MPHOSPH8: variants seen among roughly 807,000 people sequenced by gnomAD.
MPHOSPH8 encodes M-phase phosphoprotein 8.
A neutral mutation model predicts 87.3 loss-of-function variants in MPHOSPH8; 45 were observed. That is an observed-to-expected ratio of 0.52 (90% confidence interval 0.41 to 0.66). The LOEUF is 0.66. MPHOSPH8 is among the 30% of genes least tolerant of loss of function. The probability of loss-of-function intolerance (pLI) is 0.00; values close to 1 mark genes in which losing one functional copy is unlikely to be tolerated. For synonymous variants in MPHOSPH8, 366 were observed against 376.9 expected, an observed-to-expected ratio of 0.97 and a Z score of 0.33; for missense variants, 883 against 1,020.2, an observed-to-expected ratio of 0.87 and a Z score of 1.83.
chr13:19,653,354 CAGAA>C (rs896625000), intron 5 of MPHOSPH8, among the ~76,000 whole-genome samples: 2 of 152,186 alleles, frequency 1.3e-5, no homozygotes, highest in African/African-American at 4.8e-5. Flanking sequence ...AACTAACAAA[CAGAA>C]AGGAATAGCA....
intron 1 of MPHOSPH8, 59 bp from the exon 2 acceptor site, chr13:19,642,056 T>TTTTG: frequency 8.7e-7 from 1 of 1,155,720 alleles, no homozygotes; most frequent in Non-Finnish European, 1.1e-6. Flanking sequence ...TTTTTTTTTT[T>TTTTG]GGAAATTTAA....
At position 19,673,077 on chromosome 13, in the gene MPHOSPH8, G is replaced by A. The variant is rs774295540; in HGVS notation, c.*1202G>A. ...CTCAAAAAAAAAAAAAAGTTTCTTG[G>A]AACCTATACGGTTTTTTTTTGTTTT... On this transcript the variant is annotated 3_prime_UTR_variant, in exon 14 of 14. Coordinates refer to ENST00000361479, the MANE Select transcript of MPHOSPH8 (RefSeq NM_017520.4). 1.2e-5 allele frequency: 5 copies of A among 426,668 alleles called. No homozygotes were observed. The highest frequency in any genetic ancestry group is 8.2e-5 in the South Asian group (5 of 60,932). 26.4% of individuals were successfully genotyped at this position (426,668 alleles called of 1,614,324 possible).
intron 9 of MPHOSPH8, among the ~76,000 whole-genome samples, chr13:19,664,658 G>A (rs1414070944): frequency 6.6e-6 from 1 of 152,136 alleles, no homozygotes; most frequent in South Asian, 2.1e-4. Context: ...GGGATGGAGT[G>A]GGTGAGGTGC....
Position 19,646,773 on chromosome 13 carries a change from G to A in MPHOSPH8, c.700G>A (p.Glu234Lys), listed in dbSNP as rs750170951. ...TKELKKVKKG[E>K]IRDLKTKTRE... Reference sequence around the variant, plus strand: ...AGAATTAAAGAAAGTTAAAAAGGGTGAAATAAGAGATTTAAAGACGAAAAC... The same window carrying A: ...AGAATTAAAGAAAGTTAAAAAGGGTAAAATAAGAGATTTAAAGACGAAAAC... The change falls in exon 3 of 14, where the codon GAA (glutamate) becomes AAA (lysine). Residue 234 changes from glutamate to lysine, a missense_variant. By Grantham distance (56) the Glu-to-Lys change is moderately conservative. Around this residue, in one of 3 missense-constraint regions of MPHOSPH8, gnomAD observed 741 missense variants for 841.5 expected, o/e 0.88. Transcript: ENST00000361479. 5 of 1,578,430 alleles carry A rather than the reference G, an allele frequency of 3.2e-6. No individual in the cohort carries two copies. The South Asian group carries it at 5.9e-5, about 19-fold the overall frequency.
At chr13:19,652,783 G>T (rs139217130) in intron 5 of MPHOSPH8, among the ~76,000 whole-genome samples, 1 of 152,076 alleles carries the variant, frequency 6.6e-6, no homozygotes, top group Non-Finnish European at 1.5e-5. Context: ...CGAGTAGGTC[G>T]TTTTACCCTC....
intron 11 of MPHOSPH8, among the ~76,000 whole-genome samples, chr13:19,669,741 C>T (rs916617601): frequency 1.3e-5 from 2 of 150,262 alleles, no homozygotes; most frequent in African/African-American, 2.5e-5. Flanking sequence ...AACTCCTGGC[C>T]TCAAGTGATC....
At chr13:19,645,552 T>C (rs894415916) in intron 2 of MPHOSPH8, among the ~76,000 whole-genome samples, 3 of 152,064 alleles carry the variant, frequency 2.0e-5, no homozygotes, top group Non-Finnish European at 4.4e-5. Flanking sequence ...GGTCAGGGGT[T>C]CGAGACCAGC....
chr13:19,650,345 A>C, intron 5 of MPHOSPH8, 85 bp downstream of exon 5: 3 of 1,419,208 alleles, frequency 2.1e-6, no homozygotes, highest in Non-Finnish European at 2.9e-6. Flanking sequence ...TCTGATCTCA[A>C]CGATCAAAAA....
At chr13:19,643,961 C>G (rs1261442611) in intron 2 of MPHOSPH8, among the ~76,000 whole-genome samples, 1 of 152,180 alleles carries the variant, frequency 6.6e-6, no homozygotes, top group East Asian at 1.9e-4. Context: ...CTAAATCTTA[C>G]AATACAGAGA....
intron 13 of MPHOSPH8, among the ~76,000 whole-genome samples, 172 bp from the exon 14 acceptor site, chr13:19,671,662 C>T (rs1241727749): frequency 1.3e-5 from 2 of 152,140 alleles, no homozygotes; most frequent in African/African-American, 4.8e-5. Flanking sequence ...ATTATAAGCA[C>T]TTGGAATTAT....
intron 4 of MPHOSPH8, 113 bp downstream of exon 4, chr13:19,648,634 C>T (rs1874693642): frequency 1.1e-5 from 4 of 375,964 alleles, no homozygotes; most frequent in Non-Finnish European, 1.8e-5. Flanking sequence ...TTATTTTCAC[C>T]TTGTTTTTCC....
chr13:19,654,815 G>A (rs1875060129), intron 5 of MPHOSPH8, among the ~76,000 whole-genome samples: 1 of 152,242 alleles, frequency 6.6e-6, no homozygotes, highest in African/African-American at 2.4e-5. Flanking sequence ...GGATGTGGTG[G>A]CACATGCCTG....
Position 19,670,355 on chromosome 13 carries a change from G to A in MPHOSPH8, c.2449G>A (p.Val817Ile). 1 of 1,613,818 alleles carries A rather than the reference G, an allele frequency of 6.2e-7. No individual in the cohort carries two copies. Among genetic ancestry groups the A allele is most frequent in the Non-Finnish European group, 8.5e-7 (1 of 1,179,848 alleles). The change falls in exon 12 of 14, where the codon GTT becomes ATT. Residue 817 changes from valine (V) to isoleucine (I), a missense_variant. Physicochemically the swap from Val to Ile is conservative, Grantham distance 29 (BLOSUM62 3). Around this residue, in one of 3 missense-constraint regions of MPHOSPH8, gnomAD observed 741 missense variants for 841.5 expected, o/e 0.88. Transcript: ENST00000361479. The stretch of plus-strand genomic sequence containing the variant: ...TCTGAATGATAAATTTCAGCTTCCT[G>A]TTTTTCTGGTAAGATACTCTGTATT... ...VVLNDKFQLP[V>I]FLDSHFVYSF...
At position 19,648,445 on chromosome 13, in the gene MPHOSPH8, A is replaced by C; in HGVS notation, c.1242A>C (p.Glu414Asp). Residue 414 changes from glutamate to aspartate, a missense_variant, in exon 4 of 14, where the codon GAA becomes GAC. Around this residue, in one of 3 missense-constraint regions of MPHOSPH8, gnomAD observed 741 missense variants for 841.5 expected, o/e 0.88. Coordinates refer to ENST00000361479, the MANE Select transcript of MPHOSPH8 (RefSeq NM_017520.4). ...AEEDKETKRN[E>D]SKEKYQKRHD... is the part of the protein sequence containing the mutation. ...AGGACAAAGAAACCAAAAGAAATGAATCCAAAGAAAAATATCAGAAAAGGC... is the reference window on the plus strand; with the variant it reads ...AGGACAAAGAAACCAAAAGAAATGACTCCAAAGAAAAATATCAGAAAAGGC... 6.3e-7 allele frequency: 1 copy of C among 1,595,258 alleles called. No individual in the cohort carries two copies. Among genetic ancestry groups the C allele is most frequent in the Non-Finnish European group, 8.5e-7 (1 of 1,171,512 alleles).
chr13:19,650,181 AACGGAT>A lies in MPHOSPH8; in HGVS notation c.1500_1505del (p.Asp501_Thr502del). ...AAGAAAGGAGAAACACCAGAGACGAAACGGATACTTGGGCATACATTGCTGCAGAAG... is the reference window on the plus strand; with the variant it reads ...AAGAAAGGAGAAACACCAGAGACGAAACTTGGGCATACATTGCTGCAGAAG... On this transcript the variant is annotated inframe_deletion, in exon 5 of 14. Coordinates refer to ENST00000361479, the MANE Select transcript of MPHOSPH8 (RefSeq NM_017520.4). 1 of 1,614,178 alleles carries A rather than the reference AACGGAT, an allele frequency of 6.2e-7. No individual in the cohort carries two copies. Among genetic ancestry groups the A allele is most frequent in the Middle Eastern group, 1.6e-4 (1 of 6,062 alleles).
chr13:19,673,302 A>G lies in MPHOSPH8; in HGVS notation c.*1427A>G. On this transcript the variant is annotated 3_prime_UTR_variant, in exon 14 of 14. Transcript: ENST00000361479. ...GTTGAAAATTGTTTTGTTCCTCATT[A>G]GTTTATAATTGTATGAAATACGATT... The G allele has an allele frequency of 3.0e-6, 1 of 336,750 alleles. No individual in the cohort carries two copies. The highest frequency in any genetic ancestry group is 2.4e-5 in the South Asian group (1 of 40,824). 20.9% of individuals were successfully genotyped at this position (336,750 alleles called of 1,614,324 possible).
rs1396799744 is a variant in MPHOSPH8, at chr13:19,647,029, G to A, written c.956G>A (p.Ser319Asn). 6 of 1,606,480 alleles carry A rather than the reference G, an allele frequency of 3.7e-6. No individual in the cohort carries two copies. The highest frequency in any genetic ancestry group is 1.4e-5 in the African/African-American group (1 of 73,820). The change falls in exon 3 of 14, where the codon AGT (serine) becomes AAT (asparagine). Residue 319 changes from serine to asparagine, a missense_variant. Transcript: ENST00000361479. The stretch of plus-strand genomic sequence containing the variant: ...GAGAAGCCCCTAGACAGTGCCATGA[G>A]TGCTGAGGAGGATACCGATGTCAGA... Reference protein sequence around the residue: ...GFEKPLDSAMSAEEDTDVRGR... With the variant: ...GFEKPLDSAMNAEEDTDVRGR...
At chr13:19,664,449 G>A (rs1036520839) in intron 9 of MPHOSPH8, among the ~76,000 whole-genome samples, 1 of 152,172 alleles carries the variant, frequency 6.6e-6, no homozygotes, top group Non-Finnish European at 1.5e-5. Context: ...TAGGGAGTTC[G>A]TCCTGAGGGC....
At chr13:19,662,175 G>A (rs1321375513) in intron 8 of MPHOSPH8, among the ~76,000 whole-genome samples, 2 of 152,118 alleles carry the variant, frequency 1.3e-5, no homozygotes, top group Non-Finnish European at 2.9e-5. Flanking sequence ...TCCTGACCTC[G>A]TGATCTGCCT....
Sources: gnomAD v4.1 joint callset for allele counts (sites outside exome capture counted in the v4.1 genomes callset) on GRCh38, gnomAD v4.1.1 for gene constraint, gnomAD v4.1.1 regional missense constraint, MANE v1.5 for transcripts, NCBI Gene and HGNC (gene_info 2026-07-23, HGNC 2026-07-21) for gene names.